Variants in GRM1 observed in about 807,000 individuals in gnomAD.
The protein encoded by GRM1 is glutamate metabotropic receptor 1, also known as metabotropic glutamate receptor 1.
Under a neutral mutation model 90.9 loss-of-function variants are expected in GRM1, and 33 were observed. That is an observed-to-expected ratio of 0.36 (90% confidence interval 0.28 to 0.49). The LOEUF (loss-of-function observed/expected upper bound fraction) is 0.49. Among genes scored for constraint, GRM1 ranks in the 20% least tolerant of loss-of-function variants. GRM1 has a pLI of 0.99. For synonymous variants in GRM1, 700 were observed against 613.2 expected, an observed-to-expected ratio of 1.14 and a Z score of -2.09; for missense variants, 1,190 against 1,534.3, an observed-to-expected ratio of 0.78 and a Z score of 3.75.
intron 1 of GRM1, among the ~76,000 whole-genome samples, chr6:146,145,048 A>G (rs1012485057): frequency 6.6e-6 from 1 of 152,238 alleles, no homozygotes; most frequent in African/African-American, 2.4e-5. Context: ...ATCTGTCAGA[A>G]TAAATTTCTA....
At chr6:146,183,122 C>G (rs781511786) in intron 2 of GRM1, among the ~76,000 whole-genome samples, 15 of 152,108 alleles carry the variant, frequency 9.9e-5, no homozygotes, top group Non-Finnish European at 1.9e-4. Context: ...TTGTTCTCAT[C>G]TGCAGGGTTC....
rs555572592 is a variant in GRM1, at chr6:146,307,877, A to C, written c.1186+3031A>C. On this transcript the variant is annotated intron_variant, in intron 3 of 7. Coordinates refer to ENST00000282753, the MANE Select transcript of GRM1 (RefSeq NM_001278064.2). Reference sequence around the variant, plus strand: ...TATTAAAGGTCCCAAACCCAGGCTGAGTAGTTTAGGAATCACTGTGGCTAA... The same window carrying C: ...TATTAAAGGTCCCAAACCCAGGCTGCGTAGTTTAGGAATCACTGTGGCTAA... 2.0e-5 allele frequency among the ~76,000 whole-genome samples: 3 copies of C among 152,350 alleles called. No individual in the cohort carries two copies. The South Asian group carries it at 6.2e-4, about 32-fold the overall frequency.
intron 2 of GRM1, among the ~76,000 whole-genome samples, chr6:146,196,124 T>C (rs1420358704): frequency 2.0e-5 from 3 of 152,176 alleles, no homozygotes; most frequent in African/African-American, 7.2e-5. Flanking sequence ...GAGAAAACCA[T>C]AGATGAGCAG....
intron 2 of GRM1, among the ~76,000 whole-genome samples, chr6:146,209,841 G>A (rs1779622454): frequency 6.6e-6 from 1 of 152,158 alleles, no homozygotes. Flanking sequence ...TTGTTAGGCA[G>A]CAGTGGGGAA....
intron 2 of GRM1, among the ~76,000 whole-genome samples, chr6:146,294,506 C>T (rs1408376964): frequency 6.6e-6 from 1 of 151,738 alleles, no homozygotes; most frequent in African/African-American, 2.4e-5. Context: ...TTTTAAATTT[C>T]CATGTATGCC....
intron 7 of GRM1, among the ~76,000 whole-genome samples, chr6:146,417,136 C>T (rs1048391448): frequency 1.1e-4 from 17 of 152,228 alleles, no homozygotes; most frequent in Non-Finnish European, 1.8e-4. Context: ...AGTCTGTTGT[C>T]CTGTATCAAG....
rs1039377848 is a variant in GRM1, at chr6:146,424,389, G to A, written c.2661-9483G>A. On this transcript the variant is annotated intron_variant, in intron 7 of 7. Coordinates refer to ENST00000282753, the MANE Select transcript of GRM1 (RefSeq NM_001278064.2). Reference sequence around the variant, plus strand: ...AGTGATTTCTAGACAGGGGCAGGTAGTGGGAGGCTGGACAGGGCTGGGACC... The same window carrying A: ...AGTGATTTCTAGACAGGGGCAGGTAATGGGAGGCTGGACAGGGCTGGGACC... Among the ~76,000 whole-genome samples, 5 of 152,316 alleles carry A rather than the reference G, an allele frequency of 3.3e-5. No individual in the cohort carries two copies. In the South Asian group the frequency reaches 1.0e-3, roughly 32 times the overall value.
In GRM1 at chr6:146,304,016, G is replaced by A. The variant is rs899023739; in HGVS notation, c.951-595G>A. On this transcript the variant is annotated intron_variant, in intron 2 of 7. Coordinates refer to ENST00000282753, the MANE Select transcript of GRM1 (RefSeq NM_001278064.2). ...GAATTCTTTTTATAATTTGAGATGA[G>A]ATTGTTTTTCTTTAATGCTGCTATT... Among the ~76,000 whole-genome samples the A allele has an allele frequency of 5.3e-4, 81 of 152,064 alleles. 2 individuals are homozygous for A. Among genetic ancestry groups the A allele is most frequent in the Non-Finnish European group, 8.8e-5 (6 of 68,022 alleles).
At chr6:146,121,910 TG>T (rs1776003045) in intron 1 of GRM1, among the ~76,000 whole-genome samples, 1 of 152,202 alleles carries the variant, frequency 6.6e-6, no homozygotes, top group African/African-American at 2.4e-5. Context: ...TATATTCTGT[TG>T]ATTTGGGGTG....
Position 146,299,850 on chromosome 6 carries a change from T to C in GRM1, c.951-4761T>C, listed in dbSNP as rs1052131775. Among the ~76,000 whole-genome samples, 6 of 152,040 alleles carry C rather than the reference T, an allele frequency of 3.9e-5. No individual in the cohort carries two copies. The South Asian group carries it at 8.3e-4, about 21-fold the overall frequency. ...GCAAATCCACTGGGCTGTACCTGAGTTCCCCACAACCTCAACCTTGTGCCA... is the reference window on the plus strand; with the variant it reads ...GCAAATCCACTGGGCTGTACCTGAGCTCCCCACAACCTCAACCTTGTGCCA... On this transcript the variant is annotated intron_variant, in intron 2 of 7. Coordinates refer to ENST00000282753, the MANE Select transcript of GRM1 (RefSeq NM_001278064.2).
intron 1 of GRM1, among the ~76,000 whole-genome samples, chr6:146,138,425 T>C (rs2128882717): frequency 6.6e-6 from 1 of 151,608 alleles, no homozygotes; most frequent in Middle Eastern, 3.4e-3. Context: ...CCTCCTCCTC[T>C]ATTTTTTGTA....
chr6:146,039,706 A>T (rs1791025691), intron 1 of GRM1, among the ~76,000 whole-genome samples: 1 of 152,002 alleles, frequency 6.6e-6, no homozygotes, highest in South Asian at 2.1e-4. Flanking sequence ...TCAAGAGATG[A>T]TTAGAGTTTT....
intron 1 of GRM1, among the ~76,000 whole-genome samples, chr6:146,123,946 A>G (rs1490070107): frequency 6.6e-6 from 1 of 152,214 alleles, no homozygotes; most frequent in Admixed American, 6.5e-5. Context: ...ATGAAGCAGA[A>G]AAACTCTGTT....
At chr6:146,233,170 T>C (rs1780504630) in intron 2 of GRM1, among the ~76,000 whole-genome samples, 1 of 152,156 alleles carries the variant, frequency 6.6e-6, no homozygotes, top group Non-Finnish European at 1.5e-5. Context: ...TTCAGTTTTC[T>C]CTTGTTATAT....
chr6:146,256,521 A>G lies in GRM1; in HGVS notation c.951-48090A>G, dbSNP rs190271082. ...TCCTCCTTTATGCCCGAAATTTTGT[A>G]GAGGACACTGTGTATGATAAGTTTA... On this transcript the variant is annotated intron_variant, in intron 2 of 7. Coordinates refer to ENST00000282753, the MANE Select transcript of GRM1 (RefSeq NM_001278064.2). Among the ~76,000 whole-genome samples, 5 of 152,188 alleles carry G rather than the reference A, an allele frequency of 3.3e-5. No homozygotes were observed. The East Asian group carries it at 7.7e-4, about 24-fold the overall frequency.
intron 1 of GRM1, among the ~76,000 whole-genome samples, chr6:146,063,654 C>T (rs1210182176): frequency 6.6e-6 from 1 of 151,898 alleles, no homozygotes; most frequent in Non-Finnish European, 1.5e-5. Context: ...TCCGTATGCA[C>T]AGTGAAAACA....
At chr6:146,055,971 T>C (rs941145863) in intron 1 of GRM1, among the ~76,000 whole-genome samples, 1 of 152,152 alleles carries the variant, frequency 6.6e-6, no homozygotes, top group Non-Finnish European at 1.5e-5. Flanking sequence ...GACTAATCAG[T>C]GAGAAGAACC....
chr6:146,174,680 T>C (rs974260685), intron 2 of GRM1, among the ~76,000 whole-genome samples: 1 of 152,246 alleles, frequency 6.6e-6, no homozygotes, highest in Non-Finnish European at 1.5e-5. Context: ...GTTATTAGAT[T>C]AGGAATGTTT....
At chr6:146,277,523 A>G (rs1782418124) in intron 2 of GRM1, among the ~76,000 whole-genome samples, 2 of 152,164 alleles carry the variant, frequency 1.3e-5, no homozygotes, top group South Asian at 4.1e-4. Context: ...CTGGACATCA[A>G]GATTTGAGCG....
Sources: allele counts gnomAD v4.1 joint callset (sites outside exome capture counted in the v4.1 genomes callset), GRCh38; gene constraint gnomAD v4.1.1; transcripts MANE v1.5; gene names NCBI Gene and HGNC (gene_info 2026-07-23, HGNC 2026-07-21).